Variants in NINL observed in about 807,000 individuals in gnomAD.
NINL encodes the protein ninein like.
In NINL, 153 loss-of-function variants were observed where a neutral mutation model predicts 160.3. That is an observed-to-expected ratio of 0.95 (90% CI 0.84 to 1.09). The LOEUF (loss-of-function observed/expected upper bound fraction) is 1.09, where lower values mean the gene tolerates loss of function less well. NINL is among the 50% of genes least tolerant of loss of function. The pLI is 0.00. For missense variants in NINL, 1,829 were observed against 1,764.0 expected (o/e 1.04, Z -0.66); for synonymous variants, 800 against 734.8 (o/e 1.09, Z -1.43).
At chr20:25,493,815 T>G (rs1165849410) in intron 10 of NINL, among the ~76,000 whole-genome samples, 1 of 149,958 alleles carries the variant, frequency 6.7e-6, no homozygotes, top group Non-Finnish European at 1.5e-5. Context: ...GGCAGGGAAC[T>G]CGGGCCTTGA....
intron 10 of NINL, among the ~76,000 whole-genome samples, chr20:25,495,228 C>T (rs1275604325): frequency 2.6e-5 from 4 of 152,200 alleles, no homozygotes. Flanking sequence ...GCAGCAGCTT[C>T]AGGCTTCAGC....
chr20:25,561,648 C>T (rs1273348628), intron 1 of NINL, among the ~76,000 whole-genome samples: 1 of 151,700 alleles, frequency 6.6e-6, no homozygotes, highest in East Asian at 2.0e-4. Context: ...GCCCAGCCGC[C>T]CATCGTCTGA....
intron 1 of NINL, among the ~76,000 whole-genome samples, chr20:25,560,140 T>C (rs8116049): frequency 0.97 from 147,906 of 152,304 alleles, 71,961 homozygotes; most frequent in Non-Finnish European, 1. Context: ...GACAGGGTCT[T>C]GCCTTGTTGC....
At chr20:25,510,203 C>T (rs2064041687) in intron 5 of NINL, among the ~76,000 whole-genome samples, 1 of 152,246 alleles carries the variant, frequency 6.6e-6, no homozygotes, top group Non-Finnish European at 1.5e-5. Context: ...CCAGGTATTA[C>T]ACTCCATTTG....
chr20:25,503,051 G>T (rs1034625594), intron 7 of NINL, among the ~76,000 whole-genome samples: 4 of 152,232 alleles, frequency 2.6e-5, no homozygotes, highest in South Asian at 2.1e-4. Context: ...CTGAGGAGCT[G>T]CCACATTCCT....
At chr20:25,463,176 C>T (rs966795196) in intron 19 of NINL, among the ~76,000 whole-genome samples, 31 of 152,174 alleles carry the variant, frequency 2.0e-4, no homozygotes, top group Admixed American at 1.3e-3. Flanking sequence ...AAGCCCTGCT[C>T]CAGCCCCTAG....
chr20:25,467,398 G>A lies in NINL; in HGVS notation c.3414C>T (p.Leu1138=). The change falls in exon 19 of 24, where the codon CTC becomes CTT. Residue 1138 remains leucine (L), a synonymous_variant. Coordinates refer to ENST00000278886, the MANE Select transcript of NINL (RefSeq NM_025176.6). Reference sequence around the variant, plus strand: ...GGCGTCGATACGTCACCTGTCTGTTGAGCACCTCCATCTCAGAGCAGGCCT... The same window carrying A: ...GGCGTCGATACGTCACCTGTCTGTTAAGCACCTCCATCTCAGAGCAGGCCT... The part of the protein sequence containing the change: ...KEKACSEMEV[L]NRQNQNYKDQ... 1 of 1,613,462 alleles carries A rather than the reference G, an allele frequency of 6.2e-7. No homozygotes were observed. Among genetic ancestry groups the A allele is most frequent in the South Asian group, 1.1e-5 (1 of 91,070 alleles).
intron 2 of NINL, among the ~76,000 whole-genome samples, chr20:25,526,172 C>T (rs2064354415): frequency 6.6e-6 from 1 of 152,202 alleles, no homozygotes; most frequent in Admixed American, 6.5e-5. Flanking sequence ...TAAAATATCT[C>T]TCTGGAAAAA....
intron 1 of NINL, among the ~76,000 whole-genome samples, chr20:25,539,594 C>T (rs1208963389): frequency 6.6e-6 from 1 of 152,206 alleles, no homozygotes; most frequent in Non-Finnish European, 1.5e-5. Context: ...TGTACAGGTG[C>T]CCAGAATCCC....
chr20:25,466,027 T>TATA (rs932152187), intron 19 of NINL, among the ~76,000 whole-genome samples: 36 of 151,944 alleles, frequency 2.4e-4, no homozygotes, highest in African/African-American at 8.4e-4. Context: ...TATTTTCTAT[T>TATA]ATTATTATTA....
At chr20:25,495,480 G>A (rs560956231) in intron 10 of NINL, among the ~76,000 whole-genome samples, 67 of 152,184 alleles carry the variant, frequency 4.4e-4, no homozygotes, top group Non-Finnish European at 9.6e-4. Flanking sequence ...AGGGTGGGCC[G>A]ACCTGCAGAC....
chr20:25,476,765 G>T lies in NINL; in HGVS notation c.2526C>A (p.Gly842=). The change falls in exon 17 of 24, where the codon GGC becomes GGA. Residue 842 remains glycine, a synonymous_variant. Coordinates refer to ENST00000278886, the MANE Select transcript of NINL (RefSeq NM_025176.6). ...DGLVAGSGQE[G]TRGLLPLRPG... Reference sequence around the variant, plus strand: ...GACGCAGTGGTAGGAGGCCACGTGTGCCCTCCTGGCCACTTCCTGCCACCA... The same window carrying T: ...GACGCAGTGGTAGGAGGCCACGTGTTCCCTCCTGGCCACTTCCTGCCACCA... 1 of 1,610,502 alleles carries T rather than the reference G, an allele frequency of 6.2e-7. No individual in the cohort carries two copies.
At position 25,513,649 on chromosome 20, in the gene NINL, G is replaced by C. The variant is rs1332126482; in HGVS notation, c.278-643C>G. On this transcript the variant is annotated intron_variant, in intron 3 of 23. Coordinates refer to ENST00000278886, the MANE Select transcript of NINL (RefSeq NM_025176.6). ...ATTGTAACCCTCAGTGTTGGAGGAGGGGCCTGGTGGGAGGTGATTGGATCA... is the reference window on the plus strand; with the variant it reads ...ATTGTAACCCTCAGTGTTGGAGGAGCGGCCTGGTGGGAGGTGATTGGATCA... Among the ~76,000 whole-genome samples, 3 of 152,354 alleles carry C rather than the reference G, an allele frequency of 2.0e-5. 1 individual carries two copies. In the South Asian group the frequency reaches 6.2e-4, roughly 32 times the overall value.
intron 1 of NINL, among the ~76,000 whole-genome samples, chr20:25,550,844 C>T (rs960361481): frequency 6.6e-6 from 1 of 152,182 alleles, no homozygotes; most frequent in South Asian, 2.1e-4. Flanking sequence ...GAGACAGATG[C>T]CTTCCTCTTA....
chr20:25,516,105 C>T (rs904130311), intron 3 of NINL, among the ~76,000 whole-genome samples: 3 of 152,124 alleles, frequency 2.0e-5, no homozygotes, highest in African/African-American at 7.2e-5. Context: ...TGTGTAGCAC[C>T]TCCCGCTTCA....
Position 25,461,539 on chromosome 20 carries a change from C to T in NINL, c.3679G>A (p.Glu1227Lys), listed in dbSNP as rs772349300. The T allele has an allele frequency of 1.3e-6, 2 of 1,576,304 alleles. No individual in the cohort carries two copies. The highest frequency in any genetic ancestry group is 1.7e-6 in the Non-Finnish European group (2 of 1,166,272). Residue 1227 changes from glutamate (E) to lysine (K), a missense_variant, in exon 21 of 24, where the codon GAG (glutamate) becomes AAG (lysine). Coordinates refer to ENST00000278886, the MANE Select transcript of NINL (RefSeq NM_025176.6). ...ACACCCACCTGGTCTTGACTTTCCT[C>T]AAGGGTCTGGGTCAGCTCTGACCAT... Reference protein sequence around the residue: ...LPWSELTQTLEESQDQVQGAH... With the variant: ...LPWSELTQTLKESQDQVQGAH...
chr20:25,533,038 C>A (rs2064495009), intron 1 of NINL, among the ~76,000 whole-genome samples: 1 of 152,192 alleles, frequency 6.6e-6, no homozygotes, highest in Admixed American at 6.5e-5. Flanking sequence ...CATAGGAACC[C>A]CGCTGCAGAG....
rs755156661 is a variant in NINL, at chr20:25,476,742, C to T, written c.2549G>A (p.Arg850His). The T allele has an allele frequency of 6.8e-6, 11 of 1,607,686 alleles. No individual in the cohort carries two copies. The highest frequency in any genetic ancestry group is 2.2e-5 in the East Asian group (1 of 44,850). Reference protein sequence around the residue: ...QEGTRGLLPLRPGCGERPLAW... With the variant: ...QEGTRGLLPLHPGCGERPLAW... Reference sequence around the variant, plus strand: ...CAGTGGCCGCTCCCCACAGCCCGGACGCAGTGGTAGGAGGCCACGTGTGCC... The same window carrying T: ...CAGTGGCCGCTCCCCACAGCCCGGATGCAGTGGTAGGAGGCCACGTGTGCC... Residue 850 changes from arginine (R) to histidine (H), a missense_variant, in exon 17 of 24, where the codon CGT (arginine) becomes CAT (histidine). Physicochemically the swap from Arg to His is conservative, Grantham distance 29 (BLOSUM62 0). Coordinates refer to ENST00000278886, the MANE Select transcript of NINL (RefSeq NM_025176.6).
At chr20:25,458,355 A>T in intron 22 of NINL, 28 bp downstream of exon 22, 1 of 1,603,482 alleles carries the variant, frequency 6.2e-7, no homozygotes, top group Non-Finnish European at 8.5e-7. Flanking sequence ...TCATCTCGTC[A>T]GCCATCTCTC....
Sources: allele counts gnomAD v4.1 joint callset (sites outside exome capture counted in the v4.1 genomes callset), GRCh38; gene constraint gnomAD v4.1.1; transcripts MANE v1.5; gene names NCBI Gene and HGNC (gene_info 2026-07-23, HGNC 2026-07-21).